GRIK2: variants seen among roughly 807,000 people sequenced by gnomAD.
The protein encoded by GRIK2 is glutamate receptor ionotropic, kainate 2.
Under a neutral mutation model 100.3 loss-of-function variants are expected in GRIK2, and 32 were observed. The observed-to-expected ratio is 0.32, with a 90% CI of 0.24 to 0.43. The LOEUF is 0.43. GRIK2 is among the 20% of genes least tolerant of loss of function. The pLI is 1.00. For synonymous variants in GRIK2, 417 were observed against 389.4 expected (o/e 1.07, Z -0.83); for missense variants, 843 against 1,114.9 (o/e 0.76, Z 3.47).
At chr6:101,633,494 T>C (rs997944868) in intron 4 of GRIK2, among the ~76,000 whole-genome samples, 1 of 152,104 alleles carries the variant, frequency 6.6e-6, no homozygotes, top group Admixed American at 6.6e-5. Flanking sequence ...AAGTGCCTCA[T>C]AGAGGAAACA....
chr6:102,037,486 A>C (rs1770332344), intron 15 of GRIK2, among the ~76,000 whole-genome samples: 1 of 151,358 alleles, frequency 6.6e-6, no homozygotes. Flanking sequence ...CCCAGTGCAT[A>C]ATGATACTGG....
intron 9 of GRIK2, among the ~76,000 whole-genome samples, chr6:101,805,723 A>G (rs1267862371): frequency 6.6e-6 from 1 of 152,080 alleles, no homozygotes; most frequent in Admixed American, 6.6e-5. Flanking sequence ...ATTGGGCAGT[A>G]ATAAGTGCTG....
intron 2 of GRIK2, among the ~76,000 whole-genome samples, chr6:101,616,498 T>A (rs1422145769): frequency 1.3e-5 from 2 of 151,818 alleles, no homozygotes; most frequent in African/African-American, 4.8e-5. Context: ...AATTTTAAAA[T>A]GGCTAAATAT....
chr6:101,677,262 A>T (rs1770909184), intron 5 of GRIK2, among the ~76,000 whole-genome samples: 1 of 152,116 alleles, frequency 6.6e-6, no homozygotes, highest in Non-Finnish European at 1.5e-5. Flanking sequence ...AGAAGTAGGG[A>T]CTATCTCTAC....
chr6:101,433,371 C>T (rs567039568), intron 2 of GRIK2, among the ~76,000 whole-genome samples: 4 of 152,154 alleles, frequency 2.6e-5, no homozygotes, highest in Middle Eastern at 3.4e-3. Context: ...TTTATACCTG[C>T]GTGACGTGCA....
At chr6:101,764,414 G>A (rs1777918221) in intron 7 of GRIK2, among the ~76,000 whole-genome samples, 1 of 151,978 alleles carries the variant, frequency 6.6e-6, no homozygotes, top group East Asian at 1.9e-4. Flanking sequence ...TTTAGAAGAG[G>A]GAAAAGATAA....
At chr6:101,854,627 T>C (rs7765857) in intron 10 of GRIK2, among the ~76,000 whole-genome samples, 3,072 of 152,286 alleles carry the variant, frequency 0.02, 106 homozygotes, top group African/African-American at 0.071. Flanking sequence ...GAAATTATGT[T>C]AAGAAGCTGA....
At chr6:101,955,263 A>G (rs1791843587) in intron 14 of GRIK2, among the ~76,000 whole-genome samples, 1 of 152,056 alleles carries the variant, frequency 6.6e-6, no homozygotes, top group Non-Finnish European at 1.5e-5. Context: ...GGAATAATTT[A>G]TGAAGAAATG....
rs147700546 is a variant in GRIK2, at chr6:102,023,993, T to C, written c.2086-11348T>C. 3.4e-3 allele frequency among the ~76,000 whole-genome samples: 514 copies of C among 151,180 alleles called. 4 individuals carry two copies. Among genetic ancestry groups the C allele is most frequent in the African/African-American group, 0.011 (454 of 41,354 alleles). On this transcript the variant is annotated intron_variant, in intron 14 of 16. Transcript: ENST00000369134. ...TGGAAAATATTACCGGTAAAGAAAC[T>C]GAATAAACAAAGTGGGGAGAAAAAA...
In GRIK2 at chr6:101,537,451, TGTGC is replaced by T. The variant is rs1181125145; in HGVS notation, c.116-84494_116-84491del. Among the ~76,000 whole-genome samples the T allele has an allele frequency of 4.7e-3, 611 of 129,582 alleles. 2 individuals carry two copies. Among genetic ancestry groups the T allele is most frequent in the African/African-American group, 0.017 (585 of 34,066 alleles). The allele number at this position is 129,582 out of a possible 152,430, so 85.0% of individuals were successfully genotyped here. A position where few individuals can be genotyped will look rare whatever the true frequency, so the allele number is the denominator to read the frequency against. ...GTTTGTGTGTGTGTGTTTGTGTGTG[TGTGC>T]GTGTGTGTGTGTGTGTGTGTGTTTA... is the stretch of plus-strand genomic sequence containing the variant. On this transcript the variant is annotated intron_variant, in intron 2 of 16. Transcript: ENST00000369134.
chr6:101,704,280 T>C (rs1446774563), intron 7 of GRIK2, among the ~76,000 whole-genome samples: 1 of 151,578 alleles, frequency 6.6e-6, no homozygotes, highest in Non-Finnish European at 1.5e-5. Flanking sequence ...TACCAAATCA[T>C]AGAAGTTAGA....
chr6:102,000,503 A>C (rs1200880458), intron 14 of GRIK2, among the ~76,000 whole-genome samples: 1 of 152,006 alleles, frequency 6.6e-6, no homozygotes, highest in African/African-American at 2.4e-5. Context: ...GTTTTCACTT[A>C]GAAGTAAGAA....
rs76848576 is a variant in GRIK2 at position 101,884,803 on chromosome 6, A to G, written c.1525-4837A>G. Among the ~76,000 whole-genome samples the G allele has an allele frequency of 3.2e-3, 492 of 152,300 alleles. 1 individual carries two copies. Among genetic ancestry groups the G allele is most frequent in the African/African-American group, 0.012 (479 of 41,582 alleles). ...AGTTAAATTGAAACTGTATTCAGCA[A>G]ACATTTACTAAGCAGTTCCTTGGTG... On this transcript the variant is annotated intron_variant, in intron 11 of 16. Coordinates refer to ENST00000369134, the MANE Select transcript of GRIK2 (RefSeq NM_021956.5).
intron 16 of GRIK2, chr6:102,063,849 G>A: frequency 1.8e-6 from 1 of 563,876 alleles, no homozygotes. Flanking sequence ...AAGAATTAGA[G>A]ATGTGTAAAT....
intron 10 of GRIK2, among the ~76,000 whole-genome samples, chr6:101,838,378 CCCA>C (rs1554272404): frequency 6.6e-6 from 1 of 152,066 alleles, no homozygotes; most frequent in Non-Finnish European, 1.5e-5. Context: ...AAGAAATCAA[CCCA>C]CCAAGATTCC....
At chr6:101,902,141 T>G (rs765366230) in intron 12 of GRIK2, among the ~76,000 whole-genome samples, 4 of 151,986 alleles carry the variant, frequency 2.6e-5, no homozygotes, top group Non-Finnish European at 4.4e-5. Context: ...AGTTTAAATA[T>G]TCCCACAATA....
At chr6:102,052,932 G>T (rs1487959461) in intron 15 of GRIK2, among the ~76,000 whole-genome samples, 1 of 152,004 alleles carries the variant, frequency 6.6e-6, no homozygotes, top group Non-Finnish European at 1.5e-5. Flanking sequence ...TACAGATGAG[G>T]TGGCGGGCAC....
At chr6:101,897,280 G>A (rs1038426501) in intron 12 of GRIK2, among the ~76,000 whole-genome samples, 47 of 150,868 alleles carry the variant, frequency 3.1e-4, no homozygotes, top group African/African-American at 1.1e-3. Context: ...TTTTTTTGAG[G>A]TGTCTTTTAA....
chr6:101,558,047 C>A (rs960697200), intron 2 of GRIK2, among the ~76,000 whole-genome samples: 11 of 152,148 alleles, frequency 7.2e-5, no homozygotes, highest in African/African-American at 2.7e-4. Context: ...CTAATTACCA[C>A]CCACTTCTTC....
Sources: gnomAD v4.1 joint callset for allele counts (sites outside exome capture counted in the v4.1 genomes callset) on GRCh38, gnomAD v4.1.1 for gene constraint, MANE v1.5 for transcripts, NCBI Gene and HGNC (gene_info 2026-07-23, HGNC 2026-07-21) for gene names.